The following PCDHGA8 variants were observed in gnomAD, a reference collection of about 807,000 sequenced individuals.
PCDHGA8 encodes protocadherin gamma subfamily A, 8, also known as protocadherin gamma-A8.
PCDHGA8 carries 45 observed loss-of-function variants against 59.2 expected under a neutral mutation model. That is an observed-to-expected ratio of 0.76 (90% CI 0.60 to 0.98). PCDHGA8 has a LOEUF of 0.98. Among genes scored for constraint, PCDHGA8 ranks in the 50% least tolerant of loss-of-function variants. PCDHGA8 has a pLI of 0.00. For synonymous variants in PCDHGA8, 531 were observed against 519.0 expected (o/e 1.02, Z -0.32); for missense variants, 1,257 against 1,196.2 (o/e 1.05, Z -0.75).
At chr5:141,419,796 T>A in intron 1 of PCDHGA8, 1 of 1,614,026 alleles carries the variant, frequency 6.2e-7, no homozygotes. Flanking sequence ...CTAGTCGCTG[T>A]AAGAGATGGA....
intron 1 of PCDHGA8, chr5:141,398,312 C>A: frequency 1.5e-6 from 2 of 1,355,208 alleles, no homozygotes; most frequent in East Asian, 2.5e-5. Flanking sequence ...CAGGAGTTAC[C>A]GACTCGAAAA....
At chr5:141,449,588 CAAAA>C (rs768743917) in intron 1 of PCDHGA8, among the ~76,000 whole-genome samples, 2 of 57,488 alleles carry the variant, frequency 3.5e-5, no homozygotes, top group Non-Finnish European at 3.7e-5. Flanking sequence ...GACTCTGTCT[CAAAA>C]AAAAAAAAAA....
chr5:141,400,282 G>T (rs774476991), intron 1 of PCDHGA8: 2 of 1,613,974 alleles, frequency 1.2e-6, no homozygotes, highest in Non-Finnish European at 1.7e-6. Context: ...CAGCCCTGCC[G>T]CCTGGAGCTG....
rs943867570 is a variant in PCDHGA8 at position 141,493,651 on chromosome 5, T to C, written c.2425-1156T>C. On this transcript the variant is annotated intron_variant, in intron 1 of 3. Coordinates refer to ENST00000398604, the MANE Select transcript of PCDHGA8 (RefSeq NM_032088.2). The surrounding 1 kb of genome is among the most constrained non-coding windows in gnomAD (Gnocchi z 4.3). ...AGTGGCTGAGGGCTGGCCATCCCTGTGCCCTTCTCCATGGCAGCCCCAGAA... is the reference window on the plus strand; with the variant it reads ...AGTGGCTGAGGGCTGGCCATCCCTGCGCCCTTCTCCATGGCAGCCCCAGAA... Among the ~76,000 whole-genome samples, 1 of 152,204 alleles carries C rather than the reference T, an allele frequency of 6.6e-6. No individual in the cohort carries two copies. The highest frequency in any genetic ancestry group is 1.5e-5 in the Non-Finnish European group (1 of 68,030).
rs1399077321 is a variant in PCDHGA8, at chr5:141,474,090, AAAC to A, written c.2425-20708_2425-20706del. Among the ~76,000 whole-genome samples the A allele has an allele frequency of 2.6e-5, 4 of 152,206 alleles. No individual in the cohort carries two copies. In the East Asian group the frequency reaches 5.8e-4, roughly 22 times the overall value. On this transcript the variant is annotated intron_variant, in intron 1 of 3. Coordinates refer to ENST00000398604, the MANE Select transcript of PCDHGA8 (RefSeq NM_032088.2). ...GCCTCAGAAACAAAAACCAAAAAAC[AAAC>A]AACAACAAAAACAACAACAACGAAA...
chr5:141,501,311 AC>A (rs2099807696), intron 2 of PCDHGA8, among the ~76,000 whole-genome samples: 1 of 151,670 alleles, frequency 6.6e-6, no homozygotes, highest in Non-Finnish European at 1.5e-5. Context: ...ACACACACAC[AC>A]ACACACACAC....
chr5:141,450,258 T>A (rs1267755848), intron 1 of PCDHGA8, among the ~76,000 whole-genome samples: 1 of 152,096 alleles, frequency 6.6e-6, no homozygotes, highest in Non-Finnish European at 1.5e-5. Context: ...CCTCAAGTGA[T>A]CTGCCCACCT....
rs778819723 is a variant in PCDHGA8 at position 141,398,637 on chromosome 5, T to C, written c.2424+3400T>C. 1.9e-6 allele frequency: 3 copies of C among 1,613,908 alleles called. No homozygotes were observed. The African/African-American group carries it at 4.0e-5, about 22-fold the overall frequency. On this transcript the variant is annotated intron_variant, in intron 1 of 3. Transcript: ENST00000398604. ...TTGGCTTAAACTCTCTGCAGAAGTATAAACTCTCTCTTAACCCAAGTTTCT... is the reference window on the plus strand; with the variant it reads ...TTGGCTTAAACTCTCTGCAGAAGTACAAACTCTCTCTTAACCCAAGTTTCT...
At chr5:141,467,134 C>T (rs905270517) in intron 1 of PCDHGA8, among the ~76,000 whole-genome samples, 19 of 151,750 alleles carry the variant, frequency 1.3e-4, no homozygotes, top group African/African-American at 4.6e-4. Flanking sequence ...CTCACTGCAA[C>T]CTCTGCCTCC....
chr5:141,417,230 T>C (rs2096097492), intron 1 of PCDHGA8: 1 of 152,210 alleles, frequency 6.6e-6, no homozygotes, highest in Non-Finnish European at 1.5e-5. Context: ...AAAAAATTTG[T>C]TGCTTATCTT....
chr5:141,398,936 A>G (rs1377976758), intron 1 of PCDHGA8: 2 of 1,613,962 alleles, frequency 1.2e-6, no homozygotes, highest in South Asian at 2.2e-5. Context: ...ACTGACCAAG[A>G]CGAGGGCATC....
intron 1 of PCDHGA8, among the ~76,000 whole-genome samples, chr5:141,482,794 G>A (rs374042779): frequency 6.2e-5 from 8 of 129,246 alleles, no homozygotes; most frequent in Non-Finnish European, 8.1e-5. Flanking sequence ...GTGTGTGGCC[G>A]GGTACGGTGG....
intron 1 of PCDHGA8, chr5:141,415,739 GGTTTTTTTTT>G: frequency 6.9e-6 from 3 of 434,948 alleles, no homozygotes; most frequent in Middle Eastern, 6.4e-4. Context: ...TGTTTATTAA[GGTTTTTTTTT>G]TTTTTTTTTT....
rs143767010 is a variant in PCDHGA8 at position 141,460,190 on chromosome 5, A to G, written c.2425-34617A>G. 3.2e-3 allele frequency among the ~76,000 whole-genome samples: 486 copies of G among 152,218 alleles called. 1 individual carries two copies. Among genetic ancestry groups the G allele is most frequent in the Non-Finnish European group, 4.9e-3 (336 of 68,006 alleles). ...TTTTGTGGATATTTTATCCCAGACTATGACTTGTCTTTTCATTTTCTTAGT... is the reference window on the plus strand; with the variant it reads ...TTTTGTGGATATTTTATCCCAGACTGTGACTTGTCTTTTCATTTTCTTAGT... On this transcript the variant is annotated intron_variant, in intron 1 of 3. Coordinates refer to ENST00000398604, the MANE Select transcript of PCDHGA8 (RefSeq NM_032088.2).
At chr5:141,504,134 A>G (rs73280371) in intron 2 of PCDHGA8, among the ~76,000 whole-genome samples, 139 of 152,168 alleles carry the variant, frequency 9.1e-4, no homozygotes, top group African/African-American at 3.1e-3. Flanking sequence ...TCCCGCCAAC[A>G]CTCCCCTGCA....
Position 141,432,155 on chromosome 5 carries a change from C to T in PCDHGA8, c.2424+36918C>T, listed in dbSNP as rs368480052. 3.8e-5 allele frequency: 62 copies of T among 1,614,178 alleles called. No individual in the cohort carries two copies. In the African/African-American group the frequency reaches 7.1e-4, roughly 18 times the overall value. On this transcript the variant is annotated intron_variant, in intron 1 of 3. Coordinates refer to ENST00000398604, the MANE Select transcript of PCDHGA8 (RefSeq NM_032088.2). This position sits in a 1 kb window ranked among gnomAD's most constrained non-coding sequence, Gnocchi z 6.0. ...TTCCGCTTATATCCCAGAGAACAATCCCAGAGGAGTTTCCCTCGTCTCTGT... is the reference window on the plus strand; with the variant it reads ...TTCCGCTTATATCCCAGAGAACAATTCCAGAGGAGTTTCCCTCGTCTCTGT...
Position 141,476,646 on chromosome 5 carries a change from A to G in PCDHGA8, c.2425-18161A>G, listed in dbSNP as rs771366262. 1.9e-6 allele frequency: 3 copies of G among 1,614,132 alleles called. No homozygotes were observed. The highest frequency in any genetic ancestry group is 1.7e-5 in the Admixed American group (1 of 60,010). ...TTACAAACCTATGAGCTGAGCCGAA[A>G]TGAATACTTTGCGCTTCGCGTGCAG... On this transcript the variant is annotated intron_variant, in intron 1 of 3. Transcript: ENST00000398604. This position sits in a 1 kb window ranked among gnomAD's most constrained non-coding sequence, Gnocchi z 7.6.
At position 141,490,551 on chromosome 5, in the gene PCDHGA8, T is replaced by A; in HGVS notation, c.2425-4256T>A. On this transcript the variant is annotated intron_variant, in intron 1 of 3. Coordinates refer to ENST00000398604, the MANE Select transcript of PCDHGA8 (RefSeq NM_032088.2). This position sits in a 1 kb window ranked among gnomAD's most constrained non-coding sequence, Gnocchi z 5.4. ...CTGGTTCACCTTCCCTACACAAACA[T>A]CTCACCATCAGGCTCAACATTTCAG... is the stretch of plus-strand genomic sequence containing the variant. 1 of 1,614,088 alleles carries A rather than the reference T, an allele frequency of 6.2e-7. No individual in the cohort carries two copies. Among genetic ancestry groups the A allele is most frequent in the East Asian group, 2.2e-5 (1 of 44,874 alleles).
intron 1 of PCDHGA8, chr5:141,398,690 G>A (rs1258068362): frequency 1.9e-6 from 3 of 1,613,914 alleles, no homozygotes; most frequent in African/African-American, 1.3e-5. Flanking sequence ...AAACAGGATG[G>A]TAGTAAATAC....
Sources: gnomAD v4.1 joint callset for allele counts (sites outside exome capture counted in the v4.1 genomes callset) on GRCh38, gnomAD v4.1.1 for gene constraint, Gnocchi (gnomAD v3.1) non-coding constraint, MANE v1.5 for transcripts, NCBI Gene and HGNC (gene_info 2026-07-23, HGNC 2026-07-21) for gene names.